ADAMTSL3: variants seen among roughly 807,000 people sequenced by gnomAD.
The protein encoded by ADAMTSL3 is ADAMTS like 3.
Under a neutral mutation model 201.7 loss-of-function variants are expected in ADAMTSL3, and 128 were observed. The observed-to-expected ratio is 0.63, with a 90% confidence interval of 0.55 to 0.73. The LOEUF (loss-of-function observed/expected upper bound fraction) is 0.73. ADAMTSL3 is among the 30% of genes least tolerant of loss of function. The pLI is 0.00. For synonymous variants in ADAMTSL3, 738 were observed against 748.4 expected (o/e 0.99, Z 0.23); for missense variants, 1,990 against 2,119.6 (o/e 0.94, Z 1.20).
chr15:83,972,373 G>A (rs4842841), intron 20 of ADAMTSL3, among the ~76,000 whole-genome samples: 24,808 of 152,116 alleles, frequency 0.16, 2,648 homozygotes, highest in Middle Eastern at 0.35. Flanking sequence ...AGCATATGGC[G>A]TACTATCATG....
chr15:83,899,134 C>G (rs1430415475), intron 14 of ADAMTSL3, among the ~76,000 whole-genome samples: 1 of 152,156 alleles, frequency 6.6e-6, no homozygotes, highest in African/African-American at 2.4e-5. Context: ...GTTTGTTCCT[C>G]CATGCCAGAT....
chr15:83,869,908 G>A (rs1319526936), intron 8 of ADAMTSL3, among the ~76,000 whole-genome samples: 1 of 152,034 alleles, frequency 6.6e-6, no homozygotes, highest in Admixed American at 6.6e-5. Flanking sequence ...CAGAAACGCA[G>A]GTGCCCCAGA....
Position 83,665,745 on chromosome 15 carries a change from C to T in ADAMTSL3, c.69+9915C>T, listed in dbSNP as rs1276873526. Among the ~76,000 whole-genome samples the T allele has an allele frequency of 6.6e-5, 10 of 152,200 alleles. No homozygotes were observed. In the South Asian group the frequency reaches 1.2e-3, roughly 19 times the overall value. On this transcript the variant is annotated intron_variant, in intron 2 of 29. Transcript: ENST00000286744. Reference sequence around the variant, plus strand: ...TCCAAGTATTTCATGGAATTACTTTCTGGAATTTGTCAGCACTGAACAGCT... The same window carrying T: ...TCCAAGTATTTCATGGAATTACTTTTTGGAATTTGTCAGCACTGAACAGCT...
At chr15:84,024,932 T>C (rs1190148524) in intron 26 of ADAMTSL3, among the ~76,000 whole-genome samples, 1 of 152,192 alleles carries the variant, frequency 6.6e-6, no homozygotes, top group African/African-American at 2.4e-5. Flanking sequence ...CTTTTGGAAA[T>C]TTCCTCCTAA....
At chr15:83,946,913 C>G (rs2066665379) in intron 19 of ADAMTSL3, among the ~76,000 whole-genome samples, 1 of 152,136 alleles carries the variant, frequency 6.6e-6, no homozygotes, top group African/African-American at 2.4e-5. Flanking sequence ...TAGGAAGCCC[C>G]TATCTGGGAG....
chr15:83,740,916 C>T (rs1456145715), intron 3 of ADAMTSL3, among the ~76,000 whole-genome samples: 2 of 151,832 alleles, frequency 1.3e-5, no homozygotes, highest in African/African-American at 4.8e-5. Flanking sequence ...CTGGGTAAAC[C>T]AATATATGTA....
intron 19 of ADAMTSL3, among the ~76,000 whole-genome samples, chr15:83,964,575 T>C (rs991586479): frequency 2.0e-5 from 3 of 152,002 alleles, no homozygotes; most frequent in Admixed American, 6.5e-5. Flanking sequence ...GAGGGGAGAA[T>C]GGAACCAAGT....
At chr15:83,907,869 AT>A (rs1246561494) in intron 15 of ADAMTSL3, among the ~76,000 whole-genome samples, 1 of 152,210 alleles carries the variant, frequency 6.6e-6, no homozygotes, top group Non-Finnish European at 1.5e-5. Flanking sequence ...TGATATAATG[AT>A]TTATTTTCCT....
At chr15:83,696,113 G>T (rs998459942) in intron 2 of ADAMTSL3, among the ~76,000 whole-genome samples, 4 of 152,190 alleles carry the variant, frequency 2.6e-5, no homozygotes, top group African/African-American at 9.6e-5. Flanking sequence ...TGAGCCTGGG[G>T]ATTCTGCCTG....
intron 2 of ADAMTSL3, among the ~76,000 whole-genome samples, chr15:83,671,145 G>A (rs953098440): frequency 5.3e-5 from 8 of 152,024 alleles, no homozygotes; most frequent in Non-Finnish European, 1.0e-4. Context: ...TATTTTTCAG[G>A]TTTTTATATC....
intron 5 of ADAMTSL3, among the ~76,000 whole-genome samples, chr15:83,815,688 A>C (rs1487576134): frequency 6.6e-6 from 1 of 152,216 alleles, no homozygotes; most frequent in Non-Finnish European, 1.5e-5. Flanking sequence ...GAAAGCATTT[A>C]TTGTAAGCAG....
At chr15:83,724,667 A>G (rs563535790) in intron 3 of ADAMTSL3, among the ~76,000 whole-genome samples, 2 of 151,704 alleles carry the variant, frequency 1.3e-5, no homozygotes, top group Non-Finnish European at 2.9e-5. Flanking sequence ...ATATTTTTGT[A>G]CCCATTAGCC....
chr15:83,821,067 G>A (rs920584410), intron 6 of ADAMTSL3, among the ~76,000 whole-genome samples: 2 of 151,494 alleles, frequency 1.3e-5, no homozygotes, highest in Admixed American at 6.6e-5. Flanking sequence ...GAGCGAGACT[G>A]TCTCAAAAAG....
rs150024559 is a variant in ADAMTSL3, at chr15:83,754,334, C to A, written c.190-19189C>A. Among the ~76,000 whole-genome samples the A allele has an allele frequency of 2.6e-5, 4 of 152,192 alleles. No individual in the cohort carries two copies. The East Asian group carries it at 7.7e-4, about 29-fold the overall frequency. ...CGATCTGCCTTGGGATGTCCTGAGGCAGTTTCCATAAATATTGCTCGCAGG... is the reference window on the plus strand; with the variant it reads ...CGATCTGCCTTGGGATGTCCTGAGGAAGTTTCCATAAATATTGCTCGCAGG... On this transcript the variant is annotated intron_variant, in intron 3 of 29. Transcript: ENST00000286744.
intron 3 of ADAMTSL3, among the ~76,000 whole-genome samples, chr15:83,769,803 G>A (rs2062950182): frequency 7.0e-6 from 1 of 143,328 alleles, no homozygotes; most frequent in Non-Finnish European, 1.5e-5. Flanking sequence ...TTTTTTTTTG[G>A]TTAGATGAGG....
intron 17 of ADAMTSL3, among the ~76,000 whole-genome samples, chr15:83,935,629 T>G (rs573725973): frequency 6.6e-6 from 1 of 152,058 alleles, no homozygotes; most frequent in African/African-American, 2.4e-5. Context: ...GTCAGAGATA[T>G]AGAAAAGATC....
At chr15:83,866,246 A>G (rs2064972988) in intron 8 of ADAMTSL3, among the ~76,000 whole-genome samples, 1 of 152,256 alleles carries the variant, frequency 6.6e-6, no homozygotes, top group Non-Finnish European at 1.5e-5. Context: ...TAACCCAGCA[A>G]TCCCATTACT....
At chr15:83,938,346 C>CT (rs1347557141) in intron 17 of ADAMTSL3, among the ~76,000 whole-genome samples, 3 of 152,128 alleles carry the variant, frequency 2.0e-5, no homozygotes, top group Admixed American at 6.5e-5. Context: ...ATAATGTCCC[C>CT]TTTATGATAA....
intron 13 of ADAMTSL3, among the ~76,000 whole-genome samples, chr15:83,896,107 G>A (rs1176031491): frequency 6.6e-6 from 1 of 152,234 alleles, no homozygotes; most frequent in African/African-American, 2.4e-5. Context: ...ATTCCACTCT[G>A]CCTGTTAGGA....
Sources: gnomAD v4.1 joint callset for allele counts (sites outside exome capture counted in the v4.1 genomes callset) on GRCh38, gnomAD v4.1.1 for gene constraint, MANE v1.5 for transcripts, NCBI Gene and HGNC (gene_info 2026-07-23, HGNC 2026-07-21) for gene names.